The following RPH3A variants were observed in gnomAD, a reference collection of about 807,000 sequenced individuals.
RPH3A encodes rabphilin-3A.
In RPH3A, 48 loss-of-function variants were observed where a neutral mutation model predicts 102.2. That is an observed-to-expected ratio of 0.47 (90% CI 0.37 to 0.60). RPH3A has a LOEUF of 0.60. Ranked by LOEUF, RPH3A falls within the 20% of genes least tolerant of loss-of-function variation. The probability of loss-of-function intolerance (pLI) is 0.00; values close to 1 mark genes in which losing one functional copy is unlikely to be tolerated. For synonymous variants in RPH3A, 310 were observed against 324.3 expected (o/e 0.96, Z 0.47); for missense variants, 781 against 910.1 (o/e 0.86, Z 1.83).
intron 1 of RPH3A, among the ~76,000 whole-genome samples, chr12:112,578,483 G>T (rs1263278531): frequency 2.0e-5 from 3 of 152,122 alleles, no homozygotes; most frequent in African/African-American, 4.8e-5. Flanking sequence ...AAAACAGAAT[G>T]GAGAGAAATC....
intron 1 of RPH3A, among the ~76,000 whole-genome samples, chr12:112,662,904 G>T (rs1382351675): frequency 6.6e-6 from 1 of 152,022 alleles, no homozygotes. Flanking sequence ...TGACCAGGCT[G>T]GGGCAATCAG....
chr12:112,616,918 C>G (rs960247259), intron 1 of RPH3A, among the ~76,000 whole-genome samples: 2 of 152,208 alleles, frequency 1.3e-5, no homozygotes, highest in South Asian at 2.1e-4. Context: ...CAGACTTTAT[C>G]GAGAGCATCC....
chr12:112,776,892 A>C lies in RPH3A; in HGVS notation c.-139-15251A>C, dbSNP rs1265776467. On this transcript the variant is annotated intron_variant, in intron 1 of 21. Coordinates refer to the RPH3A transcript ENST00000543106. ...CCATCTCAAAAAAAAAAAAAAAAAA[A>C]AAAAAAAAAAAAAAAAAAAGAAAGT... Among the ~76,000 whole-genome samples, 15 of 149,088 alleles carry C rather than the reference A, an allele frequency of 1.0e-4. 1 individual carries two copies. Among genetic ancestry groups the C allele is most frequent in the Non-Finnish European group, 1.2e-4 (8 of 67,126 alleles).
chr12:112,848,021 TG>T (rs1342564465), intron 5 of RPH3A, among the ~76,000 whole-genome samples, 179 bp downstream of exon 5: 1 of 152,114 alleles, frequency 6.6e-6, no homozygotes, highest in Non-Finnish European at 1.5e-5. Context: ...GTGGGATCTT[TG>T]TTGCATGAGT....
intron 1 of RPH3A, among the ~76,000 whole-genome samples, chr12:112,582,216 CTG>C (rs2039405443): frequency 6.8e-6 from 1 of 147,132 alleles, no homozygotes; most frequent in Non-Finnish European, 1.5e-5. Flanking sequence ...AAGCATGTCT[CTG>C]TGTCTTGCCT....
intron 1 of RPH3A, among the ~76,000 whole-genome samples, chr12:112,772,479 TATCA>T (rs2040933598): frequency 6.6e-6 from 1 of 152,210 alleles, no homozygotes; most frequent in Non-Finnish European, 1.5e-5. Flanking sequence ...AAGGGGGCTG[TATCA>T]TCCCCAGTAG....
chr12:112,625,852 A>G (rs200898809), intron 1 of RPH3A, among the ~76,000 whole-genome samples: 4,279 of 111,848 alleles, frequency 0.038, 213 homozygotes, highest in African/African-American at 0.12. Flanking sequence ...ACTGGTACCA[A>G]AACAGAGATA....
intron 4 of RPH3A, among the ~76,000 whole-genome samples, chr12:112,839,204 T>C (rs953232012): frequency 6.6e-6 from 1 of 152,212 alleles, no homozygotes; most frequent in Admixed American, 6.5e-5. Context: ...AGACCTTTAG[T>C]GGCTGAAAGC....
Position 112,738,764 on chromosome 12 carries a change from T to C in RPH3A, c.-139-53379T>C, listed in dbSNP as rs138098549. Among the ~76,000 whole-genome samples the C allele has an allele frequency of 8.3e-3, 1,264 of 152,336 alleles. 17 individuals are homozygous for C. Among genetic ancestry groups the C allele is most frequent in the African/African-American group, 0.029 (1,208 of 41,576 alleles). On this transcript the variant is annotated intron_variant, in intron 1 of 21. Transcript: ENST00000543106. The stretch of plus-strand genomic sequence containing the variant: ...CAGAGCAGTTCAGCCAACTCCATGC[T>C]GAACTTGTGCCCATATCATACATTT...
chr12:112,751,180 T>A (rs2040783824), intron 1 of RPH3A, among the ~76,000 whole-genome samples: 1 of 152,264 alleles, frequency 6.6e-6, no homozygotes, highest in Non-Finnish European at 1.5e-5. Context: ...ACTCACTACA[T>A]GATTCACACA....
chr12:112,683,094 T>C (rs2040238559), intron 1 of RPH3A, among the ~76,000 whole-genome samples: 1 of 152,232 alleles, frequency 6.6e-6, no homozygotes, highest in African/African-American at 2.4e-5. Flanking sequence ...ATCTGTCTTA[T>C]TTAGTTCTGT....
intron 2 of RPH3A, among the ~76,000 whole-genome samples, chr12:112,818,214 G>T (rs79404813): frequency 0.01 from 1,588 of 151,472 alleles, 34 homozygotes; most frequent in African/African-American, 0.036. Context: ...GCAGGAGAAT[G>T]GCGAGAATCC....
At chr12:112,827,728 T>C (rs2041902777) in intron 2 of RPH3A, among the ~76,000 whole-genome samples, 1 of 151,866 alleles carries the variant, frequency 6.6e-6, no homozygotes, top group Non-Finnish European at 1.5e-5. Context: ...AAAGGGAACA[T>C]CACACACCGG....
At chr12:112,611,906 C>T (rs1018620559) in intron 1 of RPH3A, among the ~76,000 whole-genome samples, 1 of 152,114 alleles carries the variant, frequency 6.6e-6, no homozygotes, top group Non-Finnish European at 1.5e-5. Context: ...GTCCCTCCTA[C>T]TCCTTAATTT....
At chr12:112,832,920 A>G (rs10850084) in intron 3 of RPH3A, among the ~76,000 whole-genome samples, 115,232 of 149,492 alleles carry the variant, frequency 0.77, 44,874 homozygotes, top group African/African-American at 0.87. Flanking sequence ...AGTTAAACAC[A>G]TTTCAATTAT....
At chr12:112,712,878 T>TC (rs1178183956) in intron 1 of RPH3A, among the ~76,000 whole-genome samples, 7 of 146,472 alleles carry the variant, frequency 4.8e-5, no homozygotes, top group African/African-American at 1.9e-4. Context: ...GCTCACTTTT[T>TC]TTTCTTCTTC....
intron 20 of RPH3A, 46 bp from the exon 21 acceptor site, chr12:112,895,731 G>T: frequency 7.2e-7 from 1 of 1,379,856 alleles, no homozygotes; most frequent in Non-Finnish European, 1.0e-6. Flanking sequence ...CCAATGCTGT[G>T]GGTTCAGAGG....
chr12:112,894,466 C>T, intron 19 of RPH3A, 112 bp from the exon 20 acceptor site: 2 of 916,762 alleles, frequency 2.2e-6, no homozygotes, highest in Non-Finnish European at 3.4e-6. Flanking sequence ...AATGTTGATC[C>T]CTTTCTGATT....
Position 112,670,933 on chromosome 12 carries a change from G to A in RPH3A, c.-140+95614G>A, listed in dbSNP as rs76413866. Reference sequence around the variant, plus strand: ...TGTTGATGTGAGGATCTGCAAAATCGTGTTGCAAAGGGCGTGCATATAGGG... The same window carrying A: ...TGTTGATGTGAGGATCTGCAAAATCATGTTGCAAAGGGCGTGCATATAGGG... On this transcript the variant is annotated intron_variant, in intron 1 of 21. Coordinates refer to the RPH3A transcript ENST00000543106. 4.5e-3 allele frequency among the ~76,000 whole-genome samples: 682 copies of A among 152,214 alleles called. 5 individuals carry two copies. The highest frequency in any genetic ancestry group is 0.013 in the African/African-American group (550 of 41,514).
Sources: gnomAD v4.1 joint callset for allele counts (sites outside exome capture counted in the v4.1 genomes callset) on GRCh38, gnomAD v4.1.1 for gene constraint, MANE v1.5 for transcripts, NCBI Gene and HGNC (gene_info 2026-07-23, HGNC 2026-07-21) for gene names.